The following PRSS55 variants were observed in gnomAD, a reference collection of about 807,000 sequenced individuals.
The protein encoded by PRSS55 is serine protease 55.
Under a neutral mutation model 23.6 loss-of-function variants are expected in PRSS55, and 41 were observed. The ratio of observed to expected loss-of-function variants is 1.74; its 90% CI spans 1.35 to 2.26. PRSS55 has a LOEUF of 2.26. PRSS55 is among the 30% of genes most tolerant of loss of function. PRSS55 has a pLI of 0.00. For synonymous variants in PRSS55, 262 were observed against 175.5 expected, an observed-to-expected ratio of 1.49 and a Z score of -3.90; for missense variants, 669 against 439.1, an observed-to-expected ratio of 1.52 and a Z score of -4.68.
chr8:10,525,890 CT>C lies in PRSS55; in HGVS notation c.154+152del, dbSNP rs1276727157. ...ACTTGTCCTTTCTCTCCTCTCTCCC[CT>C]GGCCCAGTGTTTGACTTGTCTAACC... On this transcript the variant is annotated intron_variant, in intron 1 of 4. Coordinates refer to ENST00000328655, the MANE Select transcript of PRSS55 (RefSeq NM_198464.4). The C allele has an allele frequency of 1.4e-4, 126 of 883,576 alleles. 1 individual carries two copies. In the African/African-American group the frequency reaches 1.7e-3, roughly 12 times the overall value. The allele number at this position is 883,576 out of a possible 1,614,324, so 54.7% of individuals were successfully genotyped here.
intron 3 of PRSS55, among the ~76,000 whole-genome samples, chr8:10,532,497 G>A (rs530864210): frequency 1.4e-3 from 216 of 152,260 alleles, no homozygotes; most frequent in Non-Finnish European, 2.4e-3. Flanking sequence ...TTTTCACCGG[G>A]AGTGCAAACC....
intron 1 of PRSS55, 88 bp from the exon 2 acceptor site, chr8:10,529,419 C>T: frequency 7.5e-7 from 1 of 1,341,828 alleles, no homozygotes; most frequent in Non-Finnish European, 1.1e-6. Context: ...CACTTGGAAG[C>T]CTGCTCCTCC....
intron 4 of PRSS55, among the ~76,000 whole-genome samples, chr8:10,535,511 C>A (rs1028677508): frequency 2.0e-5 from 3 of 152,174 alleles, no homozygotes; most frequent in South Asian, 4.1e-4. Flanking sequence ...AACTGGCTAG[C>A]CATATGCAGA....
intron 4 of PRSS55, among the ~76,000 whole-genome samples, chr8:10,536,883 AGGGT>A (rs934276858): frequency 9.9e-5 from 15 of 152,194 alleles, no homozygotes; most frequent in African/African-American, 3.6e-4. Flanking sequence ...GGGTATGAAG[AGGGT>A]AAGTAAGGTA....
downstream of PRSS55, chr8:10,540,532 T>G (rs979225705): frequency 6.6e-6 from 1 of 152,088 alleles, no homozygotes; most frequent in African/African-American, 2.4e-5. Flanking sequence ...GCCACCACGG[T>G]GAAACCCCGT....
intron 1 of PRSS55, among the ~76,000 whole-genome samples, chr8:10,526,507 G>T (rs1380141142): frequency 1.3e-5 from 2 of 152,238 alleles, no homozygotes; most frequent in African/African-American, 4.8e-5. Flanking sequence ...CAAGGGGTGG[G>T]AGGCATGAGG....
intron 3 of PRSS55, among the ~76,000 whole-genome samples, chr8:10,532,675 G>A (rs775234822): frequency 8.5e-5 from 13 of 152,226 alleles, no homozygotes; most frequent in Non-Finnish European, 1.5e-4. Flanking sequence ...CTTCTTGGGA[G>A]TAGAAATTTG....
chr8:10,525,672 G>A lies in PRSS55; in HGVS notation c.87G>A (p.Val29=). 1 of 1,614,070 alleles carries A rather than the reference G, an allele frequency of 6.2e-7. No homozygotes were observed. The highest frequency in any genetic ancestry group is 8.5e-7 in the Non-Finnish European group (1 of 1,180,008). Residue 29 remains valine (V), a synonymous_variant, in exon 1 of 5, where the codon GTG becomes GTA. Coordinates refer to ENST00000328655, the MANE Select transcript of PRSS55 (RefSeq NM_198464.4). ...GGACTCCTCTCCCAGAGGCTGGAGT[G>A]GCTATCCTAGGCAGGGCTAGGGGAG... The part of the protein sequence containing the change: ...GPRTPLPEAG[V]AILGRARGAH...
downstream of PRSS55, among the ~76,000 whole-genome samples, chr8:10,540,002 C>G (rs1468742880): frequency 2.6e-5 from 4 of 152,212 alleles, no homozygotes; most frequent in Non-Finnish European, 5.9e-5. Flanking sequence ...CATCCTGGAG[C>G]CAAGCTGATG....
At chr8:10,539,461 C>T (rs1812581215), downstream of PRSS55, among the ~76,000 whole-genome samples, 1 of 152,234 alleles carries the variant, frequency 6.6e-6, no homozygotes, top group Non-Finnish European at 1.5e-5. Context: ...ACCTTAAAGA[C>T]AACAGCTTAC....
At chr8:10,535,779 C>A (rs1290157013) in intron 4 of PRSS55, among the ~76,000 whole-genome samples, 3 of 152,180 alleles carry the variant, frequency 2.0e-5, no homozygotes, top group African/African-American at 7.2e-5. Context: ...AACAGACAAC[C>A]TACACAATGG....
downstream of PRSS55, among the ~76,000 whole-genome samples, chr8:10,539,792 T>G (rs926452663): frequency 9.2e-5 from 14 of 152,140 alleles, no homozygotes; most frequent in Non-Finnish European, 7.4e-5. Flanking sequence ...GAACTGTGAG[T>G]CCATAAACCT....
intron 4 of PRSS55, chr8:10,547,370 A>G (rs182285837): frequency 2.3e-4 from 35 of 152,098 alleles, no homozygotes; most frequent in African/African-American, 8.0e-4. Context: ...CTTCCGGTGG[A>G]CTGGAAGCCT....
At chr8:10,543,231 G>C (rs1410812005), downstream of PRSS55, among the ~76,000 whole-genome samples, 1 of 152,034 alleles carries the variant, frequency 6.6e-6, no homozygotes, top group Non-Finnish European at 1.5e-5. Flanking sequence ...GAGATTAGCA[G>C]CTCTCTGTCT....
At chr8:10,539,443 C>T (rs1002245084), downstream of PRSS55, among the ~76,000 whole-genome samples, 5 of 152,248 alleles carry the variant, frequency 3.3e-5, no homozygotes, top group African/African-American at 9.6e-5. Context: ...TGTGCTTATG[C>T]TCACCCTACC....
At chr8:10,551,607 G>T (rs1468878125) in intron 4 of PRSS55, among the ~76,000 whole-genome samples, 2 of 152,252 alleles carry the variant, frequency 1.3e-5, no homozygotes, top group Non-Finnish European at 2.9e-5. Context: ...ACCCCACAGA[G>T]GGGCTTCACC....
At chr8:10,534,848 G>C (rs1275639143) in intron 4 of PRSS55, among the ~76,000 whole-genome samples, 1 of 152,206 alleles carries the variant, frequency 6.6e-6, no homozygotes, top group African/African-American at 2.4e-5. Flanking sequence ...TCCTAGAGCT[G>C]ATAAGCAACT....
chr8:10,545,914 T>A (rs151182719), intron 4 of PRSS55, among the ~76,000 whole-genome samples: 3 of 152,210 alleles, frequency 2.0e-5, no homozygotes, highest in African/African-American at 7.2e-5. Context: ...TCCTGGCTTA[T>A]TGCTCTTTGC....
downstream of PRSS55, chr8:10,538,876 G>A: frequency 7.3e-7 from 1 of 1,367,376 alleles, no homozygotes; most frequent in South Asian, 1.5e-5. Flanking sequence ...GCAGCTCAGG[G>A]CTCAAGGATG....
Sources: gnomAD v4.1 joint callset for allele counts (sites outside exome capture counted in the v4.1 genomes callset) on GRCh38, gnomAD v4.1.1 for gene constraint, MANE v1.5 for transcripts, NCBI Gene and HGNC (gene_info 2026-07-23, HGNC 2026-07-21) for gene names.